TENM3: variants seen among roughly 807,000 people sequenced by gnomAD.
TENM3 encodes teneurin-3.
TENM3 carries 63 observed loss-of-function variants against 255.1 expected under a neutral mutation model. The ratio of observed to expected loss-of-function variants is 0.25; its 90% CI spans 0.20 to 0.30. The LOEUF is 0.30. TENM3 is among the 10% of genes least tolerant of loss of function. The pLI is 1.00. For synonymous variants in TENM3, 1,306 were observed against 1,322.3 expected, an observed-to-expected ratio of 0.99 and a Z score of 0.27; for missense variants, 2,929 against 3,461.1, an observed-to-expected ratio of 0.85 and a Z score of 3.86.
At chr4:182,180,172 C>T (rs1752755982) in intron 1 of TENM3, among the ~76,000 whole-genome samples, 3 of 151,372 alleles carry the variant, frequency 2.0e-5, no homozygotes, top group East Asian at 1.9e-4. Flanking sequence ...GTTTTCTTAA[C>T]GTGAACTTTC....
chr4:181,465,118 T>C, the TENM3 span, among the ~76,000 whole-genome samples: 1 of 152,196 alleles, frequency 6.6e-6, no homozygotes, highest in Admixed American at 6.5e-5. Flanking sequence ...TAATTCACTT[T>C]GAGTCAATTT....
the TENM3 span, among the ~76,000 whole-genome samples, chr4:182,037,613 A>G: frequency 6.6e-6 from 1 of 151,942 alleles, no homozygotes; most frequent in Non-Finnish European, 1.5e-5. Context: ...AGGGCAAGGC[A>G]GCAACTTTCT....
At chr4:182,149,520 C>T (rs1338011969) in intron 1 of TENM3, among the ~76,000 whole-genome samples, 1 of 151,888 alleles carries the variant, frequency 6.6e-6, no homozygotes, top group Non-Finnish European at 1.5e-5. Flanking sequence ...ATAGAATGAA[C>T]TCATAAGTCA....
intron 2 of TENM3, among the ~76,000 whole-genome samples, chr4:182,331,357 C>A (rs1386478867): frequency 2.6e-5 from 4 of 152,034 alleles, no homozygotes; most frequent in South Asian, 4.1e-4. Context: ...ACCAGCCTGG[C>A]CAACATGCAG....
At chr4:182,368,236 C>T (rs1329458346) in intron 3 of TENM3, among the ~76,000 whole-genome samples, 3 of 152,160 alleles carry the variant, frequency 2.0e-5, no homozygotes, top group South Asian at 2.1e-4. Flanking sequence ...CCTGAGAACA[C>T]GAGCATCAGA....
At chr4:181,473,686 T>C in the TENM3 span, among the ~76,000 whole-genome samples, 2 of 145,574 alleles carry the variant, frequency 1.4e-5, no homozygotes, top group East Asian at 5.6e-4. Flanking sequence ...AGACAAGACA[T>C]GCCTATGGGT....
At chr4:181,518,185 C>T in the TENM3 span, among the ~76,000 whole-genome samples, 1 of 152,144 alleles carries the variant, frequency 6.6e-6, no homozygotes, top group Non-Finnish European at 1.5e-5. Context: ...GTGGAAGAAA[C>T]TGTTCCAGAC....
the TENM3 span, among the ~76,000 whole-genome samples, chr4:181,506,548 G>A: frequency 3.3e-5 from 5 of 152,102 alleles, no homozygotes; most frequent in Admixed American, 6.5e-5. Context: ...GGGGAAAACC[G>A]AGATACGCTG....
the TENM3 span, among the ~76,000 whole-genome samples, chr4:181,866,732 C>A: frequency 6.6e-6 from 1 of 152,124 alleles, no homozygotes; most frequent in Non-Finnish European, 1.5e-5. Context: ...TCCGTATTAA[C>A]CCTGCCTGAA....
intron 1 of TENM3, among the ~76,000 whole-genome samples, chr4:182,308,513 C>G (rs560841647): frequency 6.6e-6 from 1 of 152,142 alleles, no homozygotes; most frequent in Non-Finnish European, 1.5e-5. Flanking sequence ...AACAAAAAAA[C>G]TTGTTTTGTA....
intron 4 of TENM3, among the ~76,000 whole-genome samples, chr4:182,621,097 C>T (rs550466352): frequency 9.9e-5 from 15 of 151,794 alleles, no homozygotes; most frequent in South Asian, 2.1e-4. Context: ...AGGAGAATGG[C>T]GTGAACTCAG....
At chr4:181,644,474 C>T in the TENM3 span, among the ~76,000 whole-genome samples, 1 of 151,976 alleles carries the variant, frequency 6.6e-6, no homozygotes, top group Non-Finnish European at 1.5e-5. Flanking sequence ...CATGAGCCTC[C>T]TAAAGATGAA....
chr4:182,553,432 T>G (rs1742265890), intron 3 of TENM3, among the ~76,000 whole-genome samples: 1 of 150,298 alleles, frequency 6.7e-6, no homozygotes, highest in East Asian at 2.0e-4. Context: ...TAATGCTACA[T>G]GACGAGTTAA....
intron 5 of TENM3, among the ~76,000 whole-genome samples, chr4:182,649,221 G>A (rs1753034457): frequency 6.7e-6 from 1 of 149,878 alleles, no homozygotes; most frequent in Non-Finnish European, 1.5e-5. Context: ...ATTTATAGTT[G>A]GTAAAAATCT....
At chr4:181,887,652 G>C in the TENM3 span, among the ~76,000 whole-genome samples, 2 of 152,232 alleles carry the variant, frequency 1.3e-5, no homozygotes, top group African/African-American at 4.8e-5. Context: ...TAAGTTCAGT[G>C]CTTCGTATCT....
chr4:181,743,731 G>A, the TENM3 span, among the ~76,000 whole-genome samples: 4 of 152,150 alleles, frequency 2.6e-5, no homozygotes, highest in Admixed American at 1.3e-4. Flanking sequence ...GTAAGATGGG[G>A]AGCTTTTAAA....
At chr4:181,788,008 C>A in the TENM3 span, among the ~76,000 whole-genome samples, 1 of 152,060 alleles carries the variant, frequency 6.6e-6, no homozygotes, top group East Asian at 1.9e-4. Context: ...ATATACAAAG[C>A]CAAACTGTAA....
chr4:181,542,156 A>G, the TENM3 span, among the ~76,000 whole-genome samples: 5 of 152,196 alleles, frequency 3.3e-5, no homozygotes, highest in African/African-American at 9.7e-5. Context: ...GGAGGAAATA[A>G]AGTAGAAAGT....
At chr4:182,478,900 TG>T (rs1244051137) in intron 3 of TENM3, among the ~76,000 whole-genome samples, 1 of 151,928 alleles carries the variant, frequency 6.6e-6, no homozygotes, top group Non-Finnish European at 1.5e-5. Context: ...TTTATTAGGG[TG>T]GGGATTATTT....
Sources: allele counts gnomAD v4.1 joint callset (sites outside exome capture counted in the v4.1 genomes callset), GRCh38; gene constraint gnomAD v4.1.1; transcripts MANE v1.5; gene names NCBI Gene and HGNC (gene_info 2026-07-23, HGNC 2026-07-21).